The following SLC9A9 variants were observed in gnomAD, a reference collection of about 807,000 sequenced individuals.
SLC9A9 encodes solute carrier family 9 member A9.
SLC9A9 carries 62 observed loss-of-function variants against 77.8 expected under a neutral mutation model. The observed-to-expected ratio is 0.80, with a 90% CI of 0.65 to 0.98. SLC9A9 has a LOEUF of 0.98. SLC9A9 is among the 50% of genes least tolerant of loss of function. SLC9A9 has a pLI of 0.00. For missense variants in SLC9A9, 775 were observed against 774.9 expected (o/e 1.00, Z 0.00); for synonymous variants, 320 against 283.5 (o/e 1.13, Z -1.29).
intron 14 of SLC9A9, among the ~76,000 whole-genome samples, chr3:143,329,619 C>T (rs75371375): frequency 6.6e-6 from 1 of 152,304 alleles, no homozygotes; most frequent in East Asian, 1.9e-4. Flanking sequence ...CTGCAGTCCG[C>T]CCATCGTCTC....
intron 14 of SLC9A9, among the ~76,000 whole-genome samples, chr3:143,289,443 G>C (rs1268620363): frequency 2.6e-5 from 4 of 152,130 alleles, no homozygotes; most frequent in African/African-American, 9.7e-5. Flanking sequence ...TGCAGCAAGA[G>C]CACTTTATAT....
intron 14 of SLC9A9, among the ~76,000 whole-genome samples, chr3:143,294,187 A>G (rs1490046359): frequency 6.6e-6 from 1 of 151,662 alleles, no homozygotes; most frequent in African/African-American, 2.4e-5. Context: ...TTGATTTTTT[A>G]TTGTTGTGGG....
intron 11 of SLC9A9, among the ~76,000 whole-genome samples, chr3:143,476,356 T>C (rs904463395): frequency 6.6e-6 from 1 of 152,220 alleles, no homozygotes; most frequent in African/African-American, 2.4e-5. Flanking sequence ...TCATTTAAAC[T>C]TAAGGCTACT....
chr3:143,514,211 C>T (rs76043574), intron 9 of SLC9A9, among the ~76,000 whole-genome samples: 8,828 of 107,326 alleles, frequency 0.082, 733 homozygotes, highest in African/African-American at 0.21. Flanking sequence ...TTGAAAGGAA[C>T]CTTTTTTTTT....
intron 9 of SLC9A9, among the ~76,000 whole-genome samples, chr3:143,506,365 T>C (rs1209541880): frequency 6.6e-6 from 1 of 152,230 alleles, no homozygotes; most frequent in Non-Finnish European, 1.5e-5. Context: ...AATGGCATTT[T>C]TGGACCTATA....
chr3:143,624,864 C>T (rs1180570977), intron 6 of SLC9A9, among the ~76,000 whole-genome samples: 1 of 152,074 alleles, frequency 6.6e-6, no homozygotes, highest in African/African-American at 2.4e-5. Context: ...TCTAGAAAAC[C>T]CCATCATCTC....
chr3:143,579,348 C>T (rs187344938), intron 6 of SLC9A9, among the ~76,000 whole-genome samples: 1 of 152,170 alleles, frequency 6.6e-6, no homozygotes, highest in Admixed American at 6.5e-5. Context: ...ATCTTTTATA[C>T]CCCAATTCTG....
intron 4 of SLC9A9, among the ~76,000 whole-genome samples, chr3:143,773,055 C>T (rs2108841306): frequency 1.3e-5 from 2 of 152,290 alleles, no homozygotes; most frequent in Admixed American, 1.3e-4. Context: ...GCCTTTAAAA[C>T]ATTTTTTTTG....
intron 6 of SLC9A9, among the ~76,000 whole-genome samples, chr3:143,598,351 A>G (rs2037792141): frequency 6.6e-6 from 1 of 152,216 alleles, no homozygotes; most frequent in Non-Finnish European, 1.5e-5. Flanking sequence ...GTCTTTTTCC[A>G]GAATTAAGGA....
chr3:143,554,669 G>C lies in SLC9A9; in HGVS notation c.1001-2219C>G, dbSNP rs71307943. Among the ~76,000 whole-genome samples the C allele has an allele frequency of 1.2e-4, 19 of 152,272 alleles. 1 individual carries two copies. The highest frequency in any genetic ancestry group is 4.1e-4 in the South Asian group (2 of 4,826). Reference sequence around the variant, plus strand: ...TGTAATGGATTCCTGTGGCTTAAAAGGTCCTGCAAGATCTCTTCCTGCCCC... The same window carrying C: ...TGTAATGGATTCCTGTGGCTTAAAACGTCCTGCAAGATCTCTTCCTGCCCC... On this transcript the variant is annotated intron_variant, in intron 8 of 15. Transcript: ENST00000316549.
intron 2 of SLC9A9, among the ~76,000 whole-genome samples, chr3:143,804,021 C>T (rs2008642048): frequency 1.3e-5 from 2 of 152,144 alleles, no homozygotes; most frequent in Admixed American, 6.5e-5. Flanking sequence ...TATGTGGACC[C>T]CTCACAACAC....
intron 9 of SLC9A9, among the ~76,000 whole-genome samples, chr3:143,534,899 A>T (rs2036568577): frequency 6.6e-6 from 1 of 152,172 alleles, no homozygotes; most frequent in Non-Finnish European, 1.5e-5. Context: ...AAAAACCTTA[A>T]AAACAGTCAC....
chr3:143,517,128 G>T, intron 9 of SLC9A9: 2 of 1,546,574 alleles, frequency 1.3e-6, no homozygotes, highest in Non-Finnish European at 1.8e-6. Flanking sequence ...CATTACGCTT[G>T]ACCTCCAAAT....
intron 14 of SLC9A9, among the ~76,000 whole-genome samples, chr3:143,280,120 C>G (rs1325495759): frequency 1.3e-5 from 2 of 152,184 alleles, no homozygotes; most frequent in Non-Finnish European, 2.9e-5. Flanking sequence ...CAGGGCCTGC[C>G]TAGAACTCCC....
intron 4 of SLC9A9, among the ~76,000 whole-genome samples, chr3:143,721,054 GA>G (rs932287608): frequency 6.6e-6 from 1 of 152,218 alleles, no homozygotes; most frequent in South Asian, 2.1e-4. Context: ...ACAGAAAATA[GA>G]AAAAATTAGC....
At chr3:143,781,254 T>C (rs1174964466) in intron 4 of SLC9A9, among the ~76,000 whole-genome samples, 1 of 152,222 alleles carries the variant, frequency 6.6e-6, no homozygotes, top group Non-Finnish European at 1.5e-5. Flanking sequence ...GAGTCTATTC[T>C]AGTAATAAAA....
chr3:143,603,532 A>C (rs1480191753), intron 6 of SLC9A9, among the ~76,000 whole-genome samples: 1 of 152,224 alleles, frequency 6.6e-6, no homozygotes, highest in Non-Finnish European at 1.5e-5. Flanking sequence ...CCTGTAGAGA[A>C]GTCTGTGGCA....
At chr3:143,797,048 A>G (rs2008404715) in intron 2 of SLC9A9, 145 bp from the exon 3 acceptor site, 1 of 632,936 alleles carries the variant, frequency 1.6e-6, no homozygotes, top group Non-Finnish European at 2.8e-6. Context: ...AAGGTAGGAA[A>G]AAATGAAAAT....
intron 4 of SLC9A9, among the ~76,000 whole-genome samples, chr3:143,792,266 G>A (rs1457429097): frequency 2.0e-5 from 3 of 152,130 alleles, no homozygotes; most frequent in Non-Finnish European, 1.5e-5. Context: ...TAGTTTGATT[G>A]TATCTCATAT....
Sources: gnomAD v4.1 joint callset for allele counts (sites outside exome capture counted in the v4.1 genomes callset) on GRCh38, gnomAD v4.1.1 for gene constraint, MANE v1.5 for transcripts, NCBI Gene and HGNC (gene_info 2026-07-23, HGNC 2026-07-21) for gene names.